Variants in TMEM135 observed in about 807,000 individuals in gnomAD.
The protein encoded by TMEM135 is peroxisomal membrane protein 52.
Under a neutral mutation model 60.3 loss-of-function variants are expected in TMEM135, and 30 were observed. The ratio of observed to expected loss-of-function variants is 0.50; its 90% CI spans 0.37 to 0.68. The LOEUF (loss-of-function observed/expected upper bound fraction) is 0.68, where lower values mean the gene tolerates loss of function less well. Among genes scored for constraint, TMEM135 ranks in the 30% least tolerant of loss-of-function variants. The probability of loss-of-function intolerance (pLI) is 0.00; values close to 1 mark genes in which losing one functional copy is unlikely to be tolerated. For missense variants in TMEM135, 468 were observed against 548.8 expected, an observed-to-expected ratio of 0.85 and a Z score of 1.47; for synonymous variants, 190 against 186.7, an observed-to-expected ratio of 1.02 and a Z score of -0.14.
chr11:87,231,900 C>A (rs1940896569), intron 5 of TMEM135, among the ~76,000 whole-genome samples: 1 of 151,254 alleles, frequency 6.6e-6, no homozygotes, highest in Non-Finnish European at 1.5e-5. Flanking sequence ...TATTAGTGAA[C>A]CTGAAGACAT....
At chr11:87,284,138 ATAGT>A (rs1444948542) in intron 6 of TMEM135, among the ~76,000 whole-genome samples, 1 of 152,128 alleles carries the variant, frequency 6.6e-6, no homozygotes, top group African/African-American at 2.4e-5. Flanking sequence ...GTTGTTGCCT[ATAGT>A]TAATTTGTTA....
intron 5 of TMEM135, among the ~76,000 whole-genome samples, chr11:87,199,807 G>A (rs1282690300): frequency 6.6e-6 from 1 of 152,162 alleles, no homozygotes; most frequent in Non-Finnish European, 1.5e-5. Context: ...GCACGCGCCT[G>A]TAATCCCAGC....
intron 4 of TMEM135, among the ~76,000 whole-genome samples, chr11:87,136,660 A>G (rs915907230): frequency 2.6e-5 from 3 of 115,994 alleles, no homozygotes; most frequent in African/African-American, 9.1e-5. Flanking sequence ...TACTATTTCA[A>G]CTTTTTTTTT....
chr11:87,105,287 T>G (rs2135189887), intron 4 of TMEM135, among the ~76,000 whole-genome samples: 1 of 152,298 alleles, frequency 6.6e-6, no homozygotes, highest in South Asian at 2.1e-4. Flanking sequence ...CGAGCATTAT[T>G]GCTTGAGCTC....
rs1334141944 is a variant in TMEM135, at chr11:87,322,398, A to G, written c.*1065A>G. On this transcript the variant is annotated 3_prime_UTR_variant, in exon 15 of 15. Coordinates refer to ENST00000305494, the MANE Select transcript of TMEM135 (RefSeq NM_022918.4). ...TCAGGTTCTCCAACCTTCTTCTTGA[A>G]TATCATTGTCACCATTTTTACTGTT... The G allele has an allele frequency of 4.4e-6, 2 of 453,834 alleles. No homozygotes were observed. The highest frequency in any genetic ancestry group is 4.0e-5 in the African/African-American group (2 of 49,972). 28.1% of individuals were successfully genotyped at this position (453,834 alleles called of 1,614,324 possible).
intron 5 of TMEM135, among the ~76,000 whole-genome samples, chr11:87,228,147 A>T (rs1312167647): frequency 1.3e-5 from 2 of 152,188 alleles, no homozygotes; most frequent in African/African-American, 4.8e-5. Context: ...ATTGTGTTCT[A>T]TTGGAATATG....
chr11:87,240,585 A>G (rs1463920539), intron 6 of TMEM135, among the ~76,000 whole-genome samples: 2 of 152,122 alleles, frequency 1.3e-5, no homozygotes, highest in African/African-American at 4.8e-5. Context: ...AAGAAGCAAA[A>G]GAAAGAATCA....
chr11:87,246,092 A>G (rs1463138494), intron 6 of TMEM135, among the ~76,000 whole-genome samples: 2 of 137,082 alleles, frequency 1.5e-5, no homozygotes, highest in Non-Finnish European at 3.2e-5. Context: ...AAAGTATTTT[A>G]TTTCTCCTTC....
chr11:87,157,076 T>TG (rs1444903629), intron 4 of TMEM135, among the ~76,000 whole-genome samples: 1 of 59,956 alleles, frequency 1.7e-5, no homozygotes. Context: ...TTTCTTTTGT[T>TG]TTTTTTTTTT....
intron 5 of TMEM135, among the ~76,000 whole-genome samples, chr11:87,169,141 T>G (rs1293419071): frequency 1.3e-5 from 2 of 151,418 alleles, no homozygotes; most frequent in African/African-American, 4.9e-5. Context: ...TTTTTTGCTT[T>G]CCATTTACTC....
At chr11:87,240,341 C>T (rs1386305360) in intron 6 of TMEM135, among the ~76,000 whole-genome samples, 2 of 151,752 alleles carry the variant, frequency 1.3e-5, no homozygotes, top group African/African-American at 2.4e-5. Flanking sequence ...CATTGCTGTA[C>T]CTTAGGGCAT....
At chr11:87,101,846 G>T (rs1391765795) in intron 4 of TMEM135, among the ~76,000 whole-genome samples, 1 of 152,134 alleles carries the variant, frequency 6.6e-6, no homozygotes, top group Non-Finnish European at 1.5e-5. Flanking sequence ...GATGGCGCAT[G>T]CCTGTAATCC....
rs1314187348 is a variant in TMEM135, at chr11:87,326,405, A to G, written c.*5072A>G. The G allele has an allele frequency of 4.4e-6, 2 of 454,072 alleles. No individual in the cohort carries two copies. The highest frequency in any genetic ancestry group is 2.3e-5 in the Admixed American group (1 of 42,576). The allele number at this position is 454,072 out of a possible 1,614,324, so 28.1% of individuals were successfully genotyped here. Reference sequence around the variant, plus strand: ...TTCGAAGTCTAGTTCTTCAGTGTCTATTAAACTTTTTCCAGTAGTTAATCG... The same window carrying G: ...TTCGAAGTCTAGTTCTTCAGTGTCTGTTAAACTTTTTCCAGTAGTTAATCG... On this transcript the variant is annotated 3_prime_UTR_variant, in exon 15 of 15. Transcript: ENST00000305494.
At position 87,305,998 on chromosome 11, in the gene TMEM135, G is replaced by A; in HGVS notation, c.761G>A (p.Cys254Tyr). The A allele has an allele frequency of 6.3e-7, 1 of 1,591,352 alleles. No homozygotes were observed. Among genetic ancestry groups the A allele is most frequent in the Non-Finnish European group, 8.6e-7 (1 of 1,165,656 alleles). ...TATGAAGATAATTGCATCTCTTATT[G>A]CATTAAAGTAAGTATATGAAAGTAT... ...KHYEDNCISY[C>Y]IKGFIRMFSV... The change falls in exon 9 of 15, where the codon TGC becomes TAC. Residue 254 changes from cysteine to tyrosine, a missense_variant. Transcript: ENST00000305494.
intron 4 of TMEM135, among the ~76,000 whole-genome samples, chr11:87,149,657 A>G (rs79615270): frequency 0.1 from 15,623 of 152,176 alleles, 819 homozygotes; most frequent in African/African-American, 0.12. Context: ...AACATGTTTA[A>G]ATATCTTCTC....
intron 6 of TMEM135, among the ~76,000 whole-genome samples, chr11:87,294,312 T>C (rs976476906): frequency 1.3e-5 from 2 of 152,192 alleles, no homozygotes; most frequent in African/African-American, 4.8e-5. Flanking sequence ...ATTTCTTAAA[T>C]TTTTATGCAT....
intron 5 of TMEM135, among the ~76,000 whole-genome samples, chr11:87,213,031 G>C (rs763301405): frequency 6.6e-5 from 10 of 152,196 alleles, no homozygotes; most frequent in African/African-American, 2.4e-4. Flanking sequence ...ATGTTCACAA[G>C]TAAATCTTGT....
rs986129821 is a variant in TMEM135 at position 87,324,677 on chromosome 11, T to G, written c.*3344T>G. 3 of 453,460 alleles carry G rather than the reference T, an allele frequency of 6.6e-6. No individual in the cohort carries two copies. Among genetic ancestry groups the G allele is most frequent in the African/African-American group, 6.0e-5 (3 of 49,938 alleles). 28.1% of individuals were successfully genotyped at this position (453,460 alleles called of 1,614,324 possible). A position where few individuals can be genotyped will look rare whatever the true frequency, so the allele number is the denominator to read the frequency against. On this transcript the variant is annotated 3_prime_UTR_variant, in exon 15 of 15. Transcript: ENST00000305494. ...AACTCCTGGCCTCAAGTGATCCTCT[T>G]GGGTTGGCCTCCCGGGACTCTGGGA...
At chr11:87,308,003 C>A (rs1241734300) in intron 9 of TMEM135, among the ~76,000 whole-genome samples, 1 of 152,134 alleles carries the variant, frequency 6.6e-6, no homozygotes, top group African/African-American at 2.4e-5. Flanking sequence ...TACATGTCTG[C>A]CCTTAACATT....
Sources: allele counts gnomAD v4.1 joint callset (sites outside exome capture counted in the v4.1 genomes callset), GRCh38; gene constraint gnomAD v4.1.1; transcripts MANE v1.5; gene names NCBI Gene and HGNC (gene_info 2026-07-23, HGNC 2026-07-21).